Variants in DNM3 observed in about 807,000 individuals in gnomAD.
The protein encoded by DNM3 is dynamin 3, also known as dynamin-3.
DNM3 carries 47 observed loss-of-function variants against 101.6 expected under a neutral mutation model. The observed-to-expected ratio is 0.46, with a 90% CI of 0.37 to 0.59. The LOEUF (loss-of-function observed/expected upper bound fraction) is 0.59, where lower values mean the gene tolerates loss of function less well. DNM3 is among the 20% of genes least tolerant of loss of function. The probability of loss-of-function intolerance (pLI) is 0.00; values close to 1 mark genes in which losing one functional copy is unlikely to be tolerated. For synonymous variants in DNM3, 385 were observed against 387.9 expected (o/e 0.99, Z 0.09); for missense variants, 849 against 1,085.7 (o/e 0.78, Z 3.06).
chr1:172,240,034 C>T (rs1345367531), intron 14 of DNM3, among the ~76,000 whole-genome samples: 1 of 151,964 alleles, frequency 6.6e-6, no homozygotes, highest in Non-Finnish European at 1.5e-5. Context: ...AAGGGGCCCC[C>T]TTTTCCCTAT....
At chr1:171,992,755 A>G (rs913144019) in intron 4 of DNM3, among the ~76,000 whole-genome samples, 2 of 151,982 alleles carry the variant, frequency 1.3e-5, no homozygotes, top group African/African-American at 2.4e-5. Context: ...CTATTTTGCC[A>G]TTCTTTTTGT....
intron 14 of DNM3, among the ~76,000 whole-genome samples, chr1:172,136,183 A>G (rs1175944643): frequency 6.6e-6 from 1 of 152,138 alleles, no homozygotes; most frequent in Non-Finnish European, 1.5e-5. Context: ...TGTTTGGATA[A>G]CTTGATAAGG....
intron 14 of DNM3, among the ~76,000 whole-genome samples, chr1:172,176,837 G>C (rs918686280): frequency 6.6e-6 from 1 of 151,744 alleles, no homozygotes; most frequent in African/African-American, 2.4e-5. Context: ...TCTGTGAAGT[G>C]ACCAACTCAA....
intron 12 of DNM3, among the ~76,000 whole-genome samples, chr1:172,090,155 C>G (rs2053811161): frequency 6.6e-6 from 1 of 152,164 alleles, no homozygotes; most frequent in South Asian, 2.1e-4. Context: ...CAGGTTTTCA[C>G]CACTAGTCAG....
intron 13 of DNM3, among the ~76,000 whole-genome samples, chr1:172,096,025 C>T (rs1343646458): frequency 6.6e-6 from 1 of 152,138 alleles, no homozygotes; most frequent in Non-Finnish European, 1.5e-5. Flanking sequence ...CCTCAGGAAG[C>T]CCACAGCTCA....
At chr1:171,994,823 A>C (rs1437624670) in intron 4 of DNM3, among the ~76,000 whole-genome samples, 1 of 151,708 alleles carries the variant, frequency 6.6e-6, no homozygotes, top group Non-Finnish European at 1.5e-5. Context: ...GGCTTTTCAC[A>C]CTGAATAAGC....
At position 171,846,059 on chromosome 1, in the gene DNM3, G is replaced by T. The variant is rs1271001245; in HGVS notation, c.161+4242G>T. Among the ~76,000 whole-genome samples, 3 of 152,192 alleles carry T rather than the reference G, an allele frequency of 2.0e-5. No homozygotes were observed. In the South Asian group the frequency reaches 6.2e-4, roughly 32 times the overall value. The stretch of plus-strand genomic sequence containing the variant: ...AAGTATTATAGTTATTAGATAAATG[G>T]TGCTTACAATTAAAATGTCATAATT... On this transcript the variant is annotated intron_variant, in intron 1 of 20. Transcript: ENST00000627582.
At chr1:172,133,534 T>A (rs1281803871) in intron 14 of DNM3, 1 of 718,654 alleles carries the variant, frequency 1.4e-6, no homozygotes, top group Non-Finnish European at 1.7e-6. Flanking sequence ...GAAAGGGTAG[T>A]TTCATCCATT....
intron 14 of DNM3, among the ~76,000 whole-genome samples, chr1:172,213,517 C>CAAAAAAAAAAAAAAAAAAAAAAA: frequency 1.3e-5 from 1 of 79,392 alleles, no homozygotes; most frequent in Non-Finnish European, 2.5e-5. Flanking sequence ...TCCATTGTTA[C>CAAAAAAAAAAAAAAAAAAAAAAA]AAAAAAAAAA....
rs1274492876 is a variant in DNM3, at chr1:172,233,077, CA to C, written c.1660-20490del. Among the ~76,000 whole-genome samples the C allele has an allele frequency of 9.2e-5, 14 of 152,174 alleles. 1 individual carries two copies. The South Asian group carries it at 2.9e-3, about 32-fold the overall frequency. On this transcript the variant is annotated intron_variant, in intron 14 of 20. Coordinates refer to ENST00000627582, the MANE Select transcript of DNM3 (RefSeq NM_015569.5). ...AGGAGATAGAGACACAAAAACCCTT[CA>C]AAAAATCAGTGAATCCAGAACCTAG... is the stretch of plus-strand genomic sequence containing the variant.
At chr1:172,112,003 C>G (rs993747284) in intron 13 of DNM3, among the ~76,000 whole-genome samples, 2 of 152,150 alleles carry the variant, frequency 1.3e-5, no homozygotes, top group South Asian at 4.1e-4. Flanking sequence ...TTCTACCTGT[C>G]ATTCTCTGGA....
chr1:172,070,463 T>C (rs1315849034), intron 11 of DNM3, among the ~76,000 whole-genome samples: 4 of 152,232 alleles, frequency 2.6e-5, no homozygotes, highest in Non-Finnish European at 5.9e-5. Context: ...CTTAACTCTT[T>C]AGGATCCGCT....
At chr1:172,374,979 A>G (rs543176335) in intron 17 of DNM3, among the ~76,000 whole-genome samples, 2 of 152,210 alleles carry the variant, frequency 1.3e-5, no homozygotes, top group Non-Finnish European at 2.9e-5. Context: ...AACAAATAGT[A>G]TAAAGGATAC....
At position 171,877,008 on chromosome 1, in the gene DNM3, A is replaced by AT. The variant is rs565624392; in HGVS notation, c.161+35198dup. Reference sequence around the variant, plus strand: ...CTATTTTATGGTTATGGAAAGTAAGATTTTTTTCATCTGTGGGCCCACATT... The same window carrying AT: ...CTATTTTATGGTTATGGAAAGTAAGATTTTTTTTCATCTGTGGGCCCACATT... On this transcript the variant is annotated intron_variant, in intron 1 of 20. Transcript: ENST00000627582. 1.5e-3 allele frequency among the ~76,000 whole-genome samples: 229 copies of AT among 152,282 alleles called. 1 individual carries two copies. The highest frequency in any genetic ancestry group is 5.1e-3 in the African/African-American group (213 of 41,550).
chr1:171,882,010 G>T (rs967005290), intron 1 of DNM3, among the ~76,000 whole-genome samples: 1 of 151,764 alleles, frequency 6.6e-6, no homozygotes, highest in Non-Finnish European at 1.5e-5. Flanking sequence ...ACTTTATTTT[G>T]AAATAATTTC....
chr1:171,989,128 C>T lies in DNM3; in HGVS notation c.569C>T (p.Ala190Val), dbSNP rs749833417. 1.2e-6 allele frequency: 2 copies of T among 1,612,714 alleles called. No individual in the cohort carries two copies. Among genetic ancestry groups the T allele is most frequent in the Non-Finnish European group, 1.7e-6 (2 of 1,179,236 alleles). ...GCAAACTCAGATGCGCTGAAGCTAG[C>T]TAAAGAAGTTGATCCTCAAGGTGAG... ...DLANSDALKL[A>V]KEVDPQGLRT... Residue 190 changes from alanine to valine, a missense_variant, in exon 4 of 21, where the codon GCT becomes GTT. Ala to Val is a moderately conservative substitution (Grantham distance 64). Around this residue, in one of 5 missense-constraint regions of DNM3, gnomAD observed 388 missense variants for 483.0 expected, o/e 0.80. Transcript: ENST00000627582.
intron 15 of DNM3, among the ~76,000 whole-genome samples, chr1:172,306,068 G>A (rs976157894): frequency 2.4e-4 from 37 of 152,226 alleles, no homozygotes; most frequent in African/African-American, 8.7e-4. Context: ...AGGGTATTCA[G>A]TTAGGAAAAG....
intron 14 of DNM3, among the ~76,000 whole-genome samples, chr1:172,232,039 A>G (rs1182436907): frequency 1.3e-5 from 2 of 152,240 alleles, no homozygotes; most frequent in Non-Finnish European, 2.9e-5. Flanking sequence ...ATCCATAACA[A>G]TATTAACCTT....
chr1:172,288,782 T>A (rs1287894135), intron 15 of DNM3, among the ~76,000 whole-genome samples: 1 of 152,110 alleles, frequency 6.6e-6, no homozygotes, highest in East Asian at 1.9e-4. Flanking sequence ...AGAGAAGATT[T>A]GGGAGCACAT....
Sources: gnomAD v4.1 joint callset for allele counts (sites outside exome capture counted in the v4.1 genomes callset) on GRCh38, gnomAD v4.1.1 for gene constraint, gnomAD v4.1.1 regional missense constraint, MANE v1.5 for transcripts, NCBI Gene and HGNC (gene_info 2026-07-23, HGNC 2026-07-21) for gene names.